Variants in GALNTL6 observed in about 807,000 individuals in gnomAD.
GALNTL6 encodes the protein polypeptide N-acetylgalactosaminyltransferase like 6.
In GALNTL6, 46 loss-of-function variants were observed where a neutral mutation model predicts 73.7. The observed-to-expected ratio is 0.62, with a 90% CI of 0.49 to 0.80. GALNTL6 has a LOEUF of 0.80. Among genes scored for constraint, GALNTL6 ranks in the 30% least tolerant of loss-of-function variants. The pLI, the probability that GALNTL6 is intolerant of heterozygous loss-of-function variation, is 0.00. For synonymous variants in GALNTL6, 259 were observed against 263.7 expected (o/e 0.98, Z 0.17); for missense variants, 604 against 755.0 (o/e 0.80, Z 2.34).
chr4:172,718,324 T>C (rs760912659), intron 5 of GALNTL6, among the ~76,000 whole-genome samples: 1 of 152,080 alleles, frequency 6.6e-6, no homozygotes, highest in Non-Finnish European at 1.5e-5. Flanking sequence ...TAATAAATAA[T>C]ATTTAACCTT....
intron 2 of GALNTL6, among the ~76,000 whole-genome samples, chr4:171,902,331 T>TA (rs1737123066): frequency 1.3e-5 from 2 of 152,202 alleles, no homozygotes; most frequent in Admixed American, 6.5e-5. Context: ...GAAATTCAGG[T>TA]GTCTGCAAAT....
At chr4:172,419,808 A>G (rs150437525) in intron 5 of GALNTL6, among the ~76,000 whole-genome samples, 1 of 152,290 alleles carries the variant, frequency 6.6e-6, no homozygotes, top group East Asian at 1.9e-4. Context: ...AGATCAACTG[A>G]GGACCTCTCT....
At chr4:172,975,461 C>A (rs944395684) in intron 10 of GALNTL6, among the ~76,000 whole-genome samples, 4 of 151,900 alleles carry the variant, frequency 2.6e-5, no homozygotes, top group African/African-American at 9.7e-5. Context: ...GCTGATTGGT[C>A]CATGGGAGGC....
Position 172,025,757 on chromosome 4 carries a change from G to A in GALNTL6, c.139-203899G>A, listed in dbSNP as rs191151481. On this transcript the variant is annotated intron_variant, in intron 2 of 12. Transcript: ENST00000506823. ...GGAACTTTGATTTATGCAGAATCAC[G>A]ACAGTACTAACCCTAAATAAGCAGG... Among the ~76,000 whole-genome samples, 715 of 151,878 alleles carry A rather than the reference G, an allele frequency of 4.7e-3. 3 individuals are homozygous for A. Among genetic ancestry groups the A allele is most frequent in the Non-Finnish European group, 8.3e-3 (562 of 67,882 alleles).
At chr4:172,644,553 T>C (rs977991852) in intron 5 of GALNTL6, among the ~76,000 whole-genome samples, 1 of 151,996 alleles carries the variant, frequency 6.6e-6, no homozygotes. Flanking sequence ...GAGTCATTCA[T>C]GTATTGCATG....
At chr4:171,823,447 T>C (rs1734735024) in intron 2 of GALNTL6, among the ~76,000 whole-genome samples, 1 of 152,028 alleles carries the variant, frequency 6.6e-6, no homozygotes, top group Admixed American at 6.6e-5. Flanking sequence ...GTGCTTTTAA[T>C]AGTTTGAATG....
intron 5 of GALNTL6, among the ~76,000 whole-genome samples, chr4:172,569,732 G>T (rs959875221): frequency 6.6e-6 from 1 of 152,162 alleles, no homozygotes; most frequent in African/African-American, 2.4e-5. Context: ...GTTAGATATG[G>T]GGTGCTTTTG....
intron 2 of GALNTL6, among the ~76,000 whole-genome samples, chr4:172,095,703 G>T (rs576121320): frequency 6.6e-6 from 1 of 151,952 alleles, no homozygotes; most frequent in African/African-American, 2.4e-5. Context: ...GGTTTCCTCC[G>T]AATTTTAAAG....
chr4:172,032,652 C>A (rs962011298), intron 2 of GALNTL6, among the ~76,000 whole-genome samples: 1 of 152,014 alleles, frequency 6.6e-6, no homozygotes, highest in African/African-American at 2.4e-5. Context: ...TAAGAAGCAG[C>A]CTTTTAATGC....
At chr4:172,545,772 T>G (rs1444083601) in intron 5 of GALNTL6, 1 of 152,222 alleles carries the variant, frequency 6.6e-6, no homozygotes, top group Admixed American at 6.5e-5. Context: ...TATACTGACT[T>G]TTATTAACTA....
At chr4:171,919,157 A>G (rs988644079) in intron 2 of GALNTL6, among the ~76,000 whole-genome samples, 2 of 152,178 alleles carry the variant, frequency 1.3e-5, no homozygotes, top group Non-Finnish European at 1.5e-5. Flanking sequence ...TTTTTACCAC[A>G]GATGAATAAA....
chr4:172,027,786 C>G (rs971043825), intron 2 of GALNTL6, among the ~76,000 whole-genome samples: 2 of 152,044 alleles, frequency 1.3e-5, no homozygotes, highest in Non-Finnish European at 2.9e-5. Flanking sequence ...AAGTGCTACT[C>G]CAGTGAGTGC....
At chr4:172,445,888 T>G (rs554799381) in intron 5 of GALNTL6, among the ~76,000 whole-genome samples, 2 of 152,258 alleles carry the variant, frequency 1.3e-5, no homozygotes, top group South Asian at 4.1e-4. Context: ...AAATGCATGC[T>G]TAGTACTATT....
intron 3 of GALNTL6, among the ~76,000 whole-genome samples, chr4:172,263,226 A>G (rs1222856177): frequency 6.6e-6 from 1 of 151,520 alleles, no homozygotes; most frequent in African/African-American, 2.4e-5. Flanking sequence ...ACAAACTTTT[A>G]GATTTCTCTT....
intron 2 of GALNTL6, among the ~76,000 whole-genome samples, chr4:172,137,775 T>C (rs1733676824): frequency 6.6e-6 from 1 of 152,188 alleles, no homozygotes; most frequent in Non-Finnish European, 1.5e-5. Flanking sequence ...TTCAAATTGA[T>C]TACAACTTTG....
chr4:172,085,844 AATT>A (rs1033514856), intron 2 of GALNTL6, among the ~76,000 whole-genome samples: 1 of 152,138 alleles, frequency 6.6e-6, no homozygotes, highest in African/African-American at 2.4e-5. Flanking sequence ...ACAGCTTTAT[AATT>A]TTTTAATTTT....
intron 5 of GALNTL6, among the ~76,000 whole-genome samples, chr4:172,717,313 T>C (rs551899609): frequency 2.2e-4 from 34 of 152,216 alleles, no homozygotes; most frequent in Non-Finnish European, 4.1e-4. Flanking sequence ...TATGTAATCA[T>C]TGCACCATGA....
chr4:171,990,791 TAGA>T (rs1467083725), intron 2 of GALNTL6, among the ~76,000 whole-genome samples: 1 of 152,146 alleles, frequency 6.6e-6, no homozygotes, highest in Non-Finnish European at 1.5e-5. Context: ...AGGAAATTAA[TAGA>T]ATTTGATAAA....
chr4:171,876,278 G>C (rs192928237), intron 2 of GALNTL6, among the ~76,000 whole-genome samples: 3 of 152,010 alleles, frequency 2.0e-5, no homozygotes, highest in African/African-American at 7.2e-5. Flanking sequence ...AACAAATTGC[G>C]TACCAATTCT....
Sources: gnomAD v4.1 joint callset for allele counts (sites outside exome capture counted in the v4.1 genomes callset) on GRCh38, gnomAD v4.1.1 for gene constraint, MANE v1.5 for transcripts, NCBI Gene and HGNC (gene_info 2026-07-23, HGNC 2026-07-21) for gene names.